The following TET1 variants were observed in gnomAD, a reference collection of about 807,000 sequenced individuals.
TET1 encodes the protein methylcytosine dioxygenase TET1.
TET1 carries 13 observed loss-of-function variants against 148.7 expected under a neutral mutation model. The ratio of observed to expected loss-of-function variants is 0.09; its 90% CI spans 0.06 to 0.14. The LOEUF (loss-of-function observed/expected upper bound fraction) is 0.14. Ranked by LOEUF, TET1 falls within the 10% of genes least tolerant of loss-of-function variation. The pLI, the probability that TET1 is intolerant of heterozygous loss-of-function variation, is 1.00. For synonymous variants in TET1, 907 were observed against 937.2 expected (o/e 0.97, Z 0.59); for missense variants, 2,182 against 2,553.8 (o/e 0.85, Z 3.14).
At chr10:68,668,301 G>A (rs1280689830) in intron 7 of TET1, among the ~76,000 whole-genome samples, 1 of 152,136 alleles carries the variant, frequency 6.6e-6, no homozygotes. Flanking sequence ...ATTTGGATCT[G>A]GATGTTGAGT....
chr10:68,583,154 C>A (rs532821814), intron 2 of TET1, among the ~76,000 whole-genome samples: 1 of 152,164 alleles, frequency 6.6e-6, no homozygotes, highest in African/African-American at 2.4e-5. Context: ...ACCCTATTAT[C>A]GTGCATGTTT....
chr10:68,565,538 A>G lies in TET1; in HGVS notation c.-123+4796A>G, dbSNP rs556191969. ...CACACATTTTTGTATGAATTGAATA[A>G]TCTATGACAGAAGCACTAAAAATGG... On this transcript the variant is annotated intron_variant, in intron 1 of 11. Transcript: ENST00000373644. Among the ~76,000 whole-genome samples the G allele has an allele frequency of 4.6e-5, 7 of 150,564 alleles. No individual in the cohort carries two copies. In the Admixed American group the frequency reaches 4.6e-4, roughly 10 times the overall value.
At position 68,572,824 on chromosome 10, in the gene TET1, C is replaced by A; in HGVS notation, c.486C>A (p.Asp162Glu). ...AAAATGATTCGGTTCCAATGCAAGA[C>A]ACCCAAGTCCTTCCTGATATAGAGA... ...HSENDSVPMQ[D>E]TQVLPDIETL... The change falls in exon 2 of 12, where the codon GAC becomes GAA. Residue 162 changes from aspartate (D) to glutamate (E), a missense_variant. Transcript: ENST00000373644. The A allele has an allele frequency of 6.2e-7, 1 of 1,614,146 alleles. No individual in the cohort carries two copies. Among genetic ancestry groups the A allele is most frequent in the Non-Finnish European group, 8.5e-7 (1 of 1,180,000 alleles).
At chr10:68,561,703 C>A (rs2053555664) in intron 1 of TET1, among the ~76,000 whole-genome samples, 1 of 149,170 alleles carries the variant, frequency 6.7e-6, no homozygotes. Context: ...TCCCTCCCTC[C>A]CTCTCCCCCG....
chr10:68,654,069 T>TGCACTCCA (rs1357616659), intron 6 of TET1, among the ~76,000 whole-genome samples: 3 of 125,466 alleles, frequency 2.4e-5, no homozygotes, highest in Non-Finnish European at 4.7e-5. Flanking sequence ...ATCGGGCCAC[T>TGCACTCCA]GCACTCCAGC....
At position 68,572,775 on chromosome 10, in the gene TET1, C is replaced by T. The variant is rs1291504914; in HGVS notation, c.437C>T (p.Pro146Leu). Residue 146 changes from proline (P) to leucine (L), a missense_variant, in exon 2 of 12, where the codon CCT becomes CTT. Physicochemically the swap from Pro to Leu is moderately conservative, Grantham distance 98 (BLOSUM62 -3). Transcript: ENST00000373644. ...KQHDCDYKIL[P>L]ALGVKHSEND... ...CATGATTGTGATTATAAGATACTCCCTGCTTTGGGAGTAAAGCACTCAGAA... is the reference window on the plus strand; with the variant it reads ...CATGATTGTGATTATAAGATACTCCTTGCTTTGGGAGTAAAGCACTCAGAA... 6.2e-7 allele frequency: 1 copy of T among 1,614,154 alleles called. No individual in the cohort carries two copies. Among genetic ancestry groups the T allele is most frequent in the Non-Finnish European group, 8.5e-7 (1 of 1,180,028 alleles).
rs3998851 is a variant in TET1 at position 68,593,915 on chromosome 10, A to ATTTTTTTT, written c.1915-7045_1915-7038dup. Among the ~76,000 whole-genome samples, 161 of 44,752 alleles carry ATTTTTTTT rather than the reference A, an allele frequency of 3.6e-3. 46 individuals are homozygous for ATTTTTTTT. The highest frequency in any genetic ancestry group is 5.3e-3 in the Non-Finnish European group (133 of 25,318). 29.4% of individuals were successfully genotyped at this position (44,752 alleles called of 152,430 possible). A position where few individuals can be genotyped will look rare whatever the true frequency, so the allele number is the denominator to read the frequency against. On this transcript the variant is annotated intron_variant, in intron 2 of 11. Transcript: ENST00000373644. ...AGGCGTGAGCCACTGCGCCTGAGCT[A>ATTTTTTTT]TTTTTTTTTTTTTTTTTTTTTTTTT...
intron 2 of TET1, among the ~76,000 whole-genome samples, chr10:68,575,849 G>A (rs1385520797): frequency 4.6e-5 from 7 of 150,916 alleles, no homozygotes; most frequent in African/African-American, 7.3e-5. Flanking sequence ...GTGAAACCCC[G>A]TCTCTACTAA....
chr10:68,565,475 A>AAAAAAAAAT (rs1388182777), intron 1 of TET1, among the ~76,000 whole-genome samples: 5 of 129,230 alleles, frequency 3.9e-5, no homozygotes, highest in East Asian at 2.3e-4. Context: ...AAAAAAAAAA[A>AAAAAAAAAT]ATATATATAT....
At chr10:68,620,809 T>C (rs1345446552) in intron 3 of TET1, among the ~76,000 whole-genome samples, 3 of 152,202 alleles carry the variant, frequency 2.0e-5, no homozygotes, top group East Asian at 3.9e-4. Context: ...AAAGGTTCAG[T>C]TTCTCTACAT....
At chr10:68,565,474 AAAT>A (rs1382596722) in intron 1 of TET1, among the ~76,000 whole-genome samples, 47 of 53,832 alleles carry the variant, frequency 8.7e-4, no homozygotes, top group South Asian at 4.4e-3. Flanking sequence ...TAAAAAAAAA[AAAT>A]ATATATATAT....
intron 3 of TET1, among the ~76,000 whole-genome samples, chr10:68,624,654 TTCTTTCTCTCTC>T (rs2054438662): frequency 1.2e-4 from 7 of 58,406 alleles, no homozygotes; most frequent in African/African-American, 6.1e-4. Flanking sequence ...CTTTCTTTCT[TTCTTTCTCTCTC>T]TCTCTCTCTC....
intron 2 of TET1, among the ~76,000 whole-genome samples, chr10:68,581,435 A>T (rs986381507): frequency 3.3e-5 from 5 of 152,142 alleles, no homozygotes; most frequent in Non-Finnish European, 7.4e-5. Context: ...ACAGTGAGAG[A>T]TTGTTACAAA....
rs1299569809 is a variant in TET1, at chr10:68,594,835, C to T, written c.1915-6146C>T. ...CTCTATTGAAAATACAAAAATTAGC[C>T]GGGCGTGGTGGCACGTGCCTGTAAT... is the stretch of plus-strand genomic sequence containing the variant. On this transcript the variant is annotated intron_variant, in intron 2 of 11. Coordinates refer to ENST00000373644, the MANE Select transcript of TET1 (RefSeq NM_030625.3). 3.3e-5 allele frequency among the ~76,000 whole-genome samples: 5 copies of T among 151,814 alleles called. No homozygotes were observed. In the East Asian group the frequency reaches 5.8e-4, roughly 18 times the overall value.
chr10:68,670,690 T>C (rs573234286), intron 7 of TET1, among the ~76,000 whole-genome samples: 2 of 152,240 alleles, frequency 1.3e-5, no homozygotes, highest in African/African-American at 4.8e-5. Context: ...CTTATGTTTC[T>C]ATTTGTTTGG....
intron 2 of TET1, among the ~76,000 whole-genome samples, chr10:68,576,398 A>C (rs1385521737): frequency 2.6e-5 from 4 of 151,244 alleles, no homozygotes; most frequent in Non-Finnish European, 5.9e-5. Flanking sequence ...ATGGTGGCTC[A>C]TGTCTGTAAT....
In TET1 at chr10:68,566,823, C is replaced by CTT. The variant is rs58151009; in HGVS notation, c.-122-5383_-122-5382dup. Among the ~76,000 whole-genome samples the CTT allele has an allele frequency of 2.6e-3, 342 of 131,118 alleles. 2 individuals carry two copies. The highest frequency in any genetic ancestry group is 6.3e-3 in the East Asian group (28 of 4,458). 86.0% of individuals were successfully genotyped at this position (131,118 alleles called of 152,430 possible). ...ACTACCACTTATTTTCTCTCTCTCT[C>CTT]TTTTTTTTTTTTGTATTTTAGAGTT... On this transcript the variant is annotated intron_variant, in intron 1 of 11. Coordinates refer to ENST00000373644, the MANE Select transcript of TET1 (RefSeq NM_030625.3).
At chr10:68,657,593 A>G (rs1302382421) in intron 6 of TET1, among the ~76,000 whole-genome samples, 1 of 152,214 alleles carries the variant, frequency 6.6e-6, no homozygotes, top group Admixed American at 6.5e-5. Context: ...TTATTGGGCC[A>G]CTACACTCTA....
At chr10:68,575,138 C>T (rs1289315914) in intron 2 of TET1, among the ~76,000 whole-genome samples, 1 of 152,168 alleles carries the variant, frequency 6.6e-6, no homozygotes, top group Non-Finnish European at 1.5e-5. Context: ...AATCCCAACA[C>T]TTTGAAAGGC....
Sources: gnomAD v4.1 joint callset for allele counts (sites outside exome capture counted in the v4.1 genomes callset) on GRCh38, gnomAD v4.1.1 for gene constraint, MANE v1.5 for transcripts, NCBI Gene and HGNC (gene_info 2026-07-23, HGNC 2026-07-21) for gene names.